Variants in JAK2 observed in about 807,000 individuals in gnomAD.
The protein encoded by JAK2 is Janus kinase 2.
A neutral mutation model predicts 139.3 loss-of-function variants in JAK2; 86 were observed. That is an observed-to-expected ratio of 0.62 (90% confidence interval 0.52 to 0.74). JAK2 has a LOEUF of 0.74. Among genes scored for constraint, JAK2 ranks in the 30% least tolerant of loss-of-function variants. The pLI is 0.00. For missense variants in JAK2, 1,421 were observed against 1,360.3 expected (o/e 1.04, Z -0.70); for synonymous variants, 490 against 437.7 (o/e 1.12, Z -1.49).
chr9:4,990,416 G>T (rs145897415), intron 2 of JAK2, among the ~76,000 whole-genome samples: 1 of 152,182 alleles, frequency 6.6e-6, no homozygotes. Context: ...ACAGTTGAGC[G>T]TATATTGTGG....
At chr9:4,984,582 T>G (rs1030494423), upstream of JAK2, 1 of 152,714 alleles carries the variant, frequency 6.5e-6, no homozygotes, top group Non-Finnish European at 1.5e-5. Flanking sequence ...TGTGAGCGCG[T>G]TGTCCCCGGC....
intron 8 of JAK2, among the ~76,000 whole-genome samples, chr9:5,058,629 T>C (rs1817938023): frequency 6.6e-6 from 1 of 152,208 alleles, no homozygotes; most frequent in African/African-American, 2.4e-5. Flanking sequence ...GGAGCCACCA[T>C]GCTGTTTTCC....
In JAK2 at chr9:5,036,371, A is replaced by C. The variant is rs185561184; in HGVS notation, c.350+6465A>C. 1.1e-3 allele frequency among the ~76,000 whole-genome samples: 173 copies of C among 152,320 alleles called. 2 individuals carry two copies. The highest frequency in any genetic ancestry group is 3.8e-3 in the African/African-American group (158 of 41,572). On this transcript the variant is annotated intron_variant, in intron 4 of 24. Coordinates refer to ENST00000381652, the MANE Select transcript of JAK2 (RefSeq NM_004972.4). ...TGACTTTCTTCACAGAATTGGAAAAAACTACTTTAAAGTTCATATGGAACC... is the reference window on the plus strand; with the variant it reads ...TGACTTTCTTCACAGAATTGGAAAACACTACTTTAAAGTTCATATGGAACC...
At chr9:4,995,225 G>C (rs1213362128) in intron 2 of JAK2, among the ~76,000 whole-genome samples, 2 of 152,110 alleles carry the variant, frequency 1.3e-5, no homozygotes, top group African/African-American at 4.8e-5. Context: ...TGGATTTGTG[G>C]TCCTTTTACT....
At chr9:5,021,350 T>G (rs888951605) in intron 2 of JAK2, among the ~76,000 whole-genome samples, 4 of 152,216 alleles carry the variant, frequency 2.6e-5, no homozygotes, top group Non-Finnish European at 5.9e-5. Context: ...TCCCCCAATT[T>G]GAGATCTCTT....
At chr9:5,079,454 G>A (rs1029147175) in intron 16 of JAK2, among the ~76,000 whole-genome samples, 3 of 151,202 alleles carry the variant, frequency 2.0e-5, no homozygotes, top group Non-Finnish European at 2.9e-5. Context: ...ATATTTTGGT[G>A]CAATTTAGCC....
At chr9:5,060,310 C>G (rs1382741059) in intron 8 of JAK2, among the ~76,000 whole-genome samples, 1 of 152,140 alleles carries the variant, frequency 6.6e-6, no homozygotes, top group African/African-American at 2.4e-5. Context: ...ATGACATTTA[C>G]TGCATCAGTA....
At chr9:5,005,183 C>A (rs554493814) in intron 2 of JAK2, among the ~76,000 whole-genome samples, 2 of 137,804 alleles carry the variant, frequency 1.5e-5, no homozygotes, top group African/African-American at 5.4e-5. Flanking sequence ...CTCCTGGTCT[C>A]AAGTAATCCT....
intron 7 of JAK2, 73 bp from the exon 8 acceptor site, chr9:5,055,596 T>C (rs1817705369): frequency 8.6e-7 from 1 of 1,161,122 alleles, no homozygotes; most frequent in South Asian, 1.5e-5. Context: ...AAGAATGTTG[T>C]CTTCTTAAGT....
At chr9:5,062,689 A>T (rs995106387) in intron 8 of JAK2, among the ~76,000 whole-genome samples, 1 of 152,040 alleles carries the variant, frequency 6.6e-6, no homozygotes, top group Non-Finnish European at 1.5e-5. Context: ...GGTGTTTCCA[A>T]TGTATCTGTA....
intron 5 of JAK2, among the ~76,000 whole-genome samples, chr9:5,045,084 T>G (rs1816909412): frequency 6.6e-6 from 1 of 152,220 alleles, no homozygotes; most frequent in African/African-American, 2.4e-5. Flanking sequence ...TCATAATGCT[T>G]TCTTCTCTAT....
rs2130409400 is a variant in JAK2 at position 5,054,729 on chromosome 9, C to G, written c.781C>G (p.Leu261Val). ...KLKYLINLET[L>V]QSAFYTEKFE... The stretch of plus-strand genomic sequence containing the variant: ...TAAGTATCTTATAAATCTGGAAACT[C>G]TGCAGTCTGCCTTCTACACAGAGAA... The change falls in exon 7 of 25, where the codon CTG (leucine) becomes GTG (valine). Residue 261 changes from leucine to valine, a missense_variant. Physicochemically the swap from Leu to Val is conservative, Grantham distance 32 (BLOSUM62 1). Transcript: ENST00000381652. The surrounding 1 kb of genome is among the most constrained non-coding windows in gnomAD (Gnocchi z 4.9). The G allele has an allele frequency of 6.2e-7, 1 of 1,613,340 alleles. No homozygotes were observed. Among genetic ancestry groups the G allele is most frequent in the Non-Finnish European group, 8.5e-7 (1 of 1,179,450 alleles).
chr9:5,123,847 C>G (rs1332543860), intron 23 of JAK2, among the ~76,000 whole-genome samples: 1 of 151,024 alleles, frequency 6.6e-6, no homozygotes, highest in African/African-American at 2.4e-5. Flanking sequence ...TTTTTCCATT[C>G]TGACTGGAGT....
chr9:5,088,322 A>G (rs1820292001), intron 19 of JAK2, among the ~76,000 whole-genome samples: 1 of 152,188 alleles, frequency 6.6e-6, no homozygotes, highest in Non-Finnish European at 1.5e-5. Flanking sequence ...AGGTTTTTTA[A>G]AAAACTGACT....
At chr9:5,058,917 A>T (rs544745691) in intron 8 of JAK2, among the ~76,000 whole-genome samples, 15 of 152,212 alleles carry the variant, frequency 9.9e-5, no homozygotes, top group South Asian at 8.3e-4. Flanking sequence ...TTATTTATGT[A>T]TTCTGGATAT....
chr9:5,006,741 A>G (rs1007285784), intron 2 of JAK2, among the ~76,000 whole-genome samples: 1 of 152,236 alleles, frequency 6.6e-6, no homozygotes, highest in African/African-American at 2.4e-5. Context: ...CCCATGACCC[A>G]GTCACCTCTC....
intron 2 of JAK2, among the ~76,000 whole-genome samples, chr9:5,004,802 A>G (rs1821168805): frequency 2.0e-5 from 3 of 151,890 alleles, no homozygotes; most frequent in African/African-American, 4.8e-5. Flanking sequence ...TTATCCTTAT[A>G]TCTTTTTGAT....
chr9:5,065,264 A>C (rs1818487494), intron 9 of JAK2, among the ~76,000 whole-genome samples: 1 of 152,210 alleles, frequency 6.6e-6, no homozygotes, highest in Non-Finnish European at 1.5e-5. Context: ...TACAAGTTTA[A>C]CATTTGTTAA....
chr9:5,125,452 G>A (rs1027939838), intron 23 of JAK2, among the ~76,000 whole-genome samples: 2 of 151,300 alleles, frequency 1.3e-5, no homozygotes, highest in Non-Finnish European at 3.0e-5. Flanking sequence ...AGTCTTTTAA[G>A]TAACACTTCA....
Sources: allele counts gnomAD v4.1 joint callset (sites outside exome capture counted in the v4.1 genomes callset), GRCh38; gene constraint gnomAD v4.1.1; non-coding constraint Gnocchi (gnomAD v3.1); transcripts MANE v1.5; gene names NCBI Gene and HGNC (gene_info 2026-07-23, HGNC 2026-07-21).